APBA2: variants seen among roughly 807,000 people sequenced by gnomAD.
APBA2 encodes amyloid beta precursor protein binding family A member 2, also known as amyloid-beta A4 precursor protein-binding family A member 2.
Under a neutral mutation model 75.0 loss-of-function variants are expected in APBA2, and 30 were observed. The observed-to-expected ratio is 0.40, with a 90% CI of 0.30 to 0.54. The LOEUF (loss-of-function observed/expected upper bound fraction) is 0.54. Among genes scored for constraint, APBA2 ranks in the 20% least tolerant of loss-of-function variants. APBA2 has a pLI of 0.49. For missense variants in APBA2, 801 were observed against 1,016.1 expected (o/e 0.79, Z 2.88); for synonymous variants, 444 against 409.6 (o/e 1.08, Z -1.01).
At chr15:28,968,881 C>T (rs1483315831) in intron 2 of APBA2, among the ~76,000 whole-genome samples, 1 of 152,142 alleles carries the variant, frequency 6.6e-6, no homozygotes, top group Non-Finnish European at 1.5e-5. Context: ...ACGGCTGTCT[C>T]TTGCCCTTCA....
At chr15:29,034,211 G>A (rs1256177601) in intron 3 of APBA2, among the ~76,000 whole-genome samples, 1 of 152,102 alleles carries the variant, frequency 6.6e-6, no homozygotes, top group African/African-American at 2.4e-5. Flanking sequence ...TTAAATTGTT[G>A]GCCATGTGGT....
intron 2 of APBA2, among the ~76,000 whole-genome samples, chr15:28,995,428 G>A (rs892673019): frequency 7.9e-5 from 12 of 152,228 alleles, no homozygotes; most frequent in South Asian, 2.1e-4. Context: ...CTTTGTTGTG[G>A]GAAAATACAT....
intron 3 of APBA2, among the ~76,000 whole-genome samples, chr15:29,020,964 A>G (rs2039924394): frequency 6.6e-6 from 1 of 152,208 alleles, no homozygotes; most frequent in East Asian, 1.9e-4. Context: ...CAGACAATAT[A>G]TAAGCGTTCT....
At chr15:28,921,961 G>A (rs78556510) in intron 2 of APBA2, among the ~76,000 whole-genome samples, 4,733 of 152,282 alleles carry the variant, frequency 0.031, 238 homozygotes, top group African/African-American at 0.11. Flanking sequence ...GAGGCGAAAG[G>A]GGAAGAACAG....
At chr15:29,029,346 C>A (rs2040376705) in intron 3 of APBA2, among the ~76,000 whole-genome samples, 1 of 151,398 alleles carries the variant, frequency 6.6e-6, no homozygotes, top group African/African-American at 2.4e-5. Flanking sequence ...AAAAAAAAAC[C>A]CCTCTGTAGT....
At chr15:29,104,324 C>T (rs2044289580) in intron 10 of APBA2, among the ~76,000 whole-genome samples, 1 of 152,210 alleles carries the variant, frequency 6.6e-6, no homozygotes, top group African/African-American at 2.4e-5. Flanking sequence ...GGCGGGAGGC[C>T]CCGCTGTGGG....
At chr15:29,001,153 T>C (rs1276254895) in intron 3 of APBA2, among the ~76,000 whole-genome samples, 1 of 152,194 alleles carries the variant, frequency 6.6e-6, no homozygotes, top group African/African-American at 2.4e-5. Context: ...GTGCCTCATG[T>C]ACAGTGGATG....
At chr15:29,000,618 T>G (rs140016605) in intron 3 of APBA2, among the ~76,000 whole-genome samples, 9 of 152,240 alleles carry the variant, frequency 5.9e-5, no homozygotes, top group African/African-American at 2.2e-4. Flanking sequence ...AGAGACAGGG[T>G]CTTGCTCTAT....
chr15:29,102,830 C>A (rs1002337724), intron 10 of APBA2: 1 of 152,096 alleles, frequency 6.6e-6, no homozygotes, highest in Non-Finnish European at 1.5e-5. Flanking sequence ...GGACTTGAGG[C>A]TGTCTCAGGG....
chr15:28,980,565 A>T (rs1470835484), intron 2 of APBA2, among the ~76,000 whole-genome samples: 2 of 152,220 alleles, frequency 1.3e-5, no homozygotes, highest in African/African-American at 4.8e-5. Context: ...ATGGAAAAAC[A>T]TTCTATCCTC....
chr15:29,040,974 A>G (rs970687440), intron 3 of APBA2, among the ~76,000 whole-genome samples: 2 of 152,208 alleles, frequency 1.3e-5, no homozygotes, highest in Non-Finnish European at 1.5e-5. Flanking sequence ...CATGAGGTAA[A>G]AGATGGACAG....
chr15:29,040,800 AC>A (rs1439485128), intron 3 of APBA2, among the ~76,000 whole-genome samples: 9 of 152,360 alleles, frequency 5.9e-5, no homozygotes, highest in African/African-American at 2.2e-4. Context: ...TATTTGGGAT[AC>A]AAAGAAGCAA....
At chr15:29,038,265 G>A (rs376487737) in intron 3 of APBA2, among the ~76,000 whole-genome samples, 324 of 152,294 alleles carry the variant, frequency 2.1e-3, no homozygotes, top group African/African-American at 7.4e-3. Flanking sequence ...CTCCAGGCAC[G>A]TCCCTCCACA....
chr15:28,992,625 A>T (rs979013493), intron 2 of APBA2, among the ~76,000 whole-genome samples: 1 of 152,144 alleles, frequency 6.6e-6, no homozygotes, highest in African/African-American at 2.4e-5. Flanking sequence ...TCTGTGGCTG[A>T]GTTCTGCTGT....
chr15:28,942,226 G>C (rs1436701442), intron 2 of APBA2, among the ~76,000 whole-genome samples: 1 of 152,224 alleles, frequency 6.6e-6, no homozygotes, highest in Non-Finnish European at 1.5e-5. Flanking sequence ...CGTCGTGGGA[G>C]TGCTGTCTCC....
intron 4 of APBA2, among the ~76,000 whole-genome samples, chr15:29,056,636 C>CCCTCCTCT (rs2041912583): frequency 1.0e-5 from 1 of 96,300 alleles, no homozygotes; most frequent in African/African-American, 5.1e-5. Flanking sequence ...CTCCCTCCCT[C>CCCTCCTCT]CTCTCTCTCT....
chr15:28,953,907 C>T (rs1213049541), intron 2 of APBA2, among the ~76,000 whole-genome samples: 1 of 152,158 alleles, frequency 6.6e-6, no homozygotes, highest in African/African-American at 2.4e-5. Flanking sequence ...TATCTTTTAG[C>T]TCTGATTTCT....
intron 2 of APBA2, among the ~76,000 whole-genome samples, chr15:28,986,787 G>A (rs2152776427): frequency 6.6e-6 from 1 of 152,226 alleles, no homozygotes; most frequent in East Asian, 1.9e-4. Context: ...TTTTATGTTA[G>A]TCTTTGGAAA....
chr15:29,026,210 T>C lies in APBA2; in HGVS notation c.-40-27635T>C, dbSNP rs2040214979. Among the ~76,000 whole-genome samples, 3 of 152,164 alleles carry C rather than the reference T, an allele frequency of 2.0e-5. No homozygotes were observed. The South Asian group carries it at 6.2e-4, about 32-fold the overall frequency. Reference sequence around the variant, plus strand: ...GATGTTCCAGGGGCTCAAATGTTCCTCATAGACAAGGAACGAATCTCTGGG... The same window carrying C: ...GATGTTCCAGGGGCTCAAATGTTCCCCATAGACAAGGAACGAATCTCTGGG... On this transcript the variant is annotated intron_variant, in intron 3 of 14. Coordinates refer to ENST00000683413, the MANE Select transcript of APBA2 (RefSeq NM_001353788.2).
Sources: allele counts gnomAD v4.1 joint callset (sites outside exome capture counted in the v4.1 genomes callset), GRCh38; gene constraint gnomAD v4.1.1; transcripts MANE v1.5; gene names NCBI Gene and HGNC (gene_info 2026-07-23, HGNC 2026-07-21).